Variants in CAST observed in about 807,000 individuals in gnomAD.
CAST encodes the protein MIR583 host.
CAST carries 76 observed loss-of-function variants against 119.6 expected under a neutral mutation model. The observed-to-expected ratio is 0.64, with a 90% CI of 0.53 to 0.77. CAST has a LOEUF of 0.77. CAST is among the 30% of genes least tolerant of loss of function. CAST has a pLI of 0.00. For synonymous variants in CAST, 319 were observed against 331.6 expected (o/e 0.96, Z 0.41); for missense variants, 953 against 946.5 (o/e 1.01, Z -0.09).
At chr5:96,064,448 G>A in the CAST span, among the ~76,000 whole-genome samples, 1 of 147,126 alleles carries the variant, frequency 6.8e-6, no homozygotes, top group Admixed American at 6.7e-5. Flanking sequence ...ACTGCAGACA[G>A]CTGTTGAATG....
chr5:96,383,873 G>A, the CAST span, among the ~76,000 whole-genome samples: 6 of 152,318 alleles, frequency 3.9e-5, no homozygotes, highest in South Asian at 1.2e-3. Flanking sequence ...ATGGCAGTGT[G>A]GACCAGGATG....
the CAST span, among the ~76,000 whole-genome samples, chr5:96,102,880 A>G: frequency 6.6e-6 from 1 of 152,124 alleles, no homozygotes; most frequent in Non-Finnish European, 1.5e-5. Flanking sequence ...GAAACTGCCA[A>G]TCTATTATGG....
the CAST span, among the ~76,000 whole-genome samples, chr5:96,220,482 C>T: frequency 6.6e-6 from 1 of 152,144 alleles, no homozygotes; most frequent in Non-Finnish European, 1.5e-5. Context: ...TTGAAATTAT[C>T]TAGATTATCA....
chr5:96,769,497 C>A (rs1358576180), intron 29 of CAST: 1 of 151,010 alleles, frequency 6.6e-6, no homozygotes, highest in African/African-American at 2.4e-5. Context: ...TTGAGGTTTA[C>A]AACATGGTAG....
chr5:96,114,482 C>G, the CAST span, among the ~76,000 whole-genome samples: 1 of 152,094 alleles, frequency 6.6e-6, no homozygotes, highest in Admixed American at 6.5e-5. Context: ...ATAGGAAACT[C>G]GTGAAAAGGT....
At chr5:96,595,921 G>A (rs901039741) in intron 1 of CAST, among the ~76,000 whole-genome samples, 5 of 152,096 alleles carry the variant, frequency 3.3e-5, no homozygotes, top group Non-Finnish European at 5.9e-5. Flanking sequence ...AGGAGGTGGC[G>A]TGGCATAAGA....
chr5:96,050,588 A>G, the CAST span, among the ~76,000 whole-genome samples: 4,839 of 152,314 alleles, frequency 0.032, 269 homozygotes, highest in African/African-American at 0.11. Context: ...CTCTGAGGAG[A>G]ATGGTGCTGG....
At chr5:96,103,056 C>A in the CAST span, among the ~76,000 whole-genome samples, 1 of 152,012 alleles carries the variant, frequency 6.6e-6, no homozygotes, top group Non-Finnish European at 1.5e-5. Context: ...GATAAAGATT[C>A]ATGTCATAGA....
the CAST span, among the ~76,000 whole-genome samples, chr5:96,454,095 T>TG: frequency 6.6e-6 from 1 of 152,160 alleles, no homozygotes; most frequent in Non-Finnish European, 1.5e-5. Context: ...TATATCTTTT[T>TG]TTTTCCAACT....
the CAST span, among the ~76,000 whole-genome samples, chr5:96,238,739 CT>C: frequency 6.6e-6 from 1 of 151,944 alleles, no homozygotes; most frequent in Non-Finnish European, 1.5e-5. Context: ...TTTCTACAGC[CT>C]GGCTATACTA....
chr5:96,142,454 C>T, the CAST span, among the ~76,000 whole-genome samples: 10 of 152,252 alleles, frequency 6.6e-5, no homozygotes, highest in African/African-American at 1.9e-4. Flanking sequence ...TTGTTTACAT[C>T]GACTAACACT....
the CAST span, among the ~76,000 whole-genome samples, chr5:96,004,832 C>T: frequency 6.6e-6 from 1 of 151,966 alleles, no homozygotes; most frequent in African/African-American, 2.4e-5. Flanking sequence ...TTGAAAGTAC[C>T]CACTGATTGC....
At chr5:96,289,102 GAA>G in the CAST span, among the ~76,000 whole-genome samples, 1 of 147,148 alleles carries the variant, frequency 6.8e-6, no homozygotes, top group African/African-American at 2.5e-5. Flanking sequence ...ATATGATTAA[GAA>G]AAAAAAAAAC....
At chr5:96,548,568 G>A (rs867810352) in intron 1 of CAST, among the ~76,000 whole-genome samples, 57 of 152,058 alleles carry the variant, frequency 3.7e-4, no homozygotes, top group African/African-American at 1.2e-3. Context: ...GTGCTGCTGC[G>A]GGCCTCTGCT....
chr5:96,021,983 C>G, the CAST span, among the ~76,000 whole-genome samples: 1 of 152,154 alleles, frequency 6.6e-6, no homozygotes, highest in African/African-American at 2.4e-5. Context: ...TACATCTGTA[C>G]TGAACATATA....
chr5:96,741,479 T>C lies in CAST; in HGVS notation c.1012-15T>C, dbSNP rs189484845. The C allele has an allele frequency of 7.1e-4, 1,128 of 1,595,698 alleles. 2 individuals are homozygous for C. Among genetic ancestry groups the C allele is most frequent in the Non-Finnish European group, 7.0e-4 (816 of 1,163,830 alleles). ...CCTCATCTGTAAGTCTAATCTTTTG[T>C]ATTTTGTTTTTCAGGAATCTACAGA... On this transcript the variant is annotated splice_polypyrimidine_tract_variant and intron_variant, in intron 14 of 31. Coordinates refer to ENST00000675179, the MANE Select transcript of CAST (RefSeq NM_001750.7).
the CAST span, among the ~76,000 whole-genome samples, chr5:96,395,433 A>C: frequency 6.6e-6 from 1 of 152,232 alleles, no homozygotes; most frequent in African/African-American, 2.4e-5. Context: ...ATTGTGTGGC[A>C]CATATGCACT....
the CAST span, among the ~76,000 whole-genome samples, chr5:96,117,881 C>G: frequency 5.3e-5 from 8 of 152,170 alleles, no homozygotes; most frequent in South Asian, 2.1e-4. Context: ...TCCTAGCATG[C>G]CTTTTGCCCG....
intron 1 of CAST, among the ~76,000 whole-genome samples, chr5:96,570,168 T>C (rs1746545027): frequency 1.3e-5 from 2 of 152,216 alleles, no homozygotes; most frequent in Non-Finnish European, 2.9e-5. Flanking sequence ...AGATCCTTAA[T>C]ATCCTTAGGA....
Sources: allele counts gnomAD v4.1 joint callset (sites outside exome capture counted in the v4.1 genomes callset), GRCh38; gene constraint gnomAD v4.1.1; transcripts MANE v1.5; gene names NCBI Gene and HGNC (gene_info 2026-07-23, HGNC 2026-07-21).